The following ELOVL7 variants were observed in gnomAD, a reference collection of about 807,000 sequenced individuals.
The protein encoded by ELOVL7 is ELOVL fatty acid elongase 7, also known as very long chain fatty acid elongase 7.
In ELOVL7, 27 loss-of-function variants were observed where a neutral mutation model predicts 35.7. The observed-to-expected ratio is 0.76, with a 90% CI of 0.56 to 1.04. The LOEUF is 1.04. Among genes scored for constraint, ELOVL7 ranks in the 50% least tolerant of loss-of-function variants. ELOVL7 has a pLI of 0.00. For missense variants in ELOVL7, 327 were observed against 340.8 expected, an observed-to-expected ratio of 0.96 and a Z score of 0.32; for synonymous variants, 113 against 114.6, an observed-to-expected ratio of 0.99 and a Z score of 0.09.
chr5:60,832,397 G>A lies in ELOVL7; in HGVS notation c.-86+11763C>T, dbSNP rs551994687. Among the ~76,000 whole-genome samples, 7 of 151,218 alleles carry A rather than the reference G, an allele frequency of 4.6e-5. No homozygotes were observed. The South Asian group carries it at 6.3e-4, about 14-fold the overall frequency. On this transcript the variant is annotated intron_variant, in intron 1 of 8. Coordinates refer to ENST00000508821, the MANE Select transcript of ELOVL7 (RefSeq NM_024930.3). ...TTTTTTTTTTTTGAGACGGAGTCTCGCTCTGTTGCCCAGGCTGGAGTGCAG... is the reference window on the plus strand; with the variant it reads ...TTTTTTTTTTTTGAGACGGAGTCTCACTCTGTTGCCCAGGCTGGAGTGCAG...
At chr5:60,768,592 C>T in intron 4 of ELOVL7, 1 of 431,456 alleles carries the variant, frequency 2.3e-6, no homozygotes, top group South Asian at 1.7e-5. Flanking sequence ...CAAGAAAGAG[C>T]CTATTGTTGA....
At chr5:60,762,277 C>A (rs906483222) in intron 7 of ELOVL7, among the ~76,000 whole-genome samples, 47 of 85,636 alleles carry the variant, frequency 5.5e-4, no homozygotes, top group African/African-American at 1.9e-3. Context: ...CCACCCTGGA[C>A]AACAAGAGTG....
At chr5:60,798,552 A>T (rs2112276147) in intron 2 of ELOVL7, among the ~76,000 whole-genome samples, 1 of 152,302 alleles carries the variant, frequency 6.6e-6, no homozygotes, top group Middle Eastern at 3.4e-3. Context: ...TAAAGCTGTA[A>T]AAAAAATTAT....
intron 3 of ELOVL7, chr5:60,784,123 T>C (rs927901743): frequency 6.6e-7 from 1 of 1,515,280 alleles, no homozygotes; most frequent in Non-Finnish European, 8.9e-7. Context: ...TTCCATCAGC[T>C]GCTTCTAAGA....
chr5:60,757,854 G>C (rs369814332), intron 7 of ELOVL7, among the ~76,000 whole-genome samples: 1 of 152,014 alleles, frequency 6.6e-6, no homozygotes, highest in Non-Finnish European at 1.5e-5. Context: ...GTAAATTAGC[G>C]TATCTTTATT....
intron 3 of ELOVL7, among the ~76,000 whole-genome samples, chr5:60,786,993 T>G (rs1743640053): frequency 6.6e-6 from 1 of 152,072 alleles, no homozygotes; most frequent in Non-Finnish European, 1.5e-5. Context: ...TAACTGTAAT[T>G]TCCCTCAGGA....
intron 7 of ELOVL7, 140 bp downstream of exon 7, chr5:60,764,087 A>C: frequency 1.5e-6 from 1 of 667,516 alleles, no homozygotes; most frequent in Non-Finnish European, 2.7e-6. Flanking sequence ...TTTTCAAGTA[A>C]TAATTAATGA....
At chr5:60,757,485 T>G (rs1741613240) in intron 8 of ELOVL7, 24 bp downstream of exon 8, 1 of 1,610,772 alleles carries the variant, frequency 6.2e-7, no homozygotes, top group Non-Finnish European at 8.5e-7. Flanking sequence ...TCATATATGG[T>G]TTTAAAGACA....
intron 1 of ELOVL7, among the ~76,000 whole-genome samples, chr5:60,831,594 A>T (rs1276439701): frequency 6.6e-6 from 1 of 152,206 alleles, no homozygotes; most frequent in Non-Finnish European, 1.5e-5. Flanking sequence ...CAAAGAGTTT[A>T]CCTTCATTAA....
chr5:60,764,997 C>T (rs928723648), intron 6 of ELOVL7, among the ~76,000 whole-genome samples: 1 of 151,888 alleles, frequency 6.6e-6, no homozygotes, highest in African/African-American at 2.4e-5. Flanking sequence ...AAAAAATATT[C>T]CAAAGTGAAA....
chr5:60,799,254 T>A lies in ELOVL7; in HGVS notation c.-85-24A>T, dbSNP rs1300352759. On this transcript the variant is annotated intron_variant, in intron 1 of 8. Transcript: ENST00000508821. ...GCCTATAATAGAAAAGAAAAAAAAC[T>A]TCAAATAAATAATTAACATTACACT... 7 of 150,956 alleles carry A rather than the reference T, an allele frequency of 4.6e-5. No homozygotes were observed. The East Asian group carries it at 1.4e-3, about 30-fold the overall frequency. 9.4% of individuals were successfully genotyped at this position (150,956 alleles called of 1,614,324 possible).
intron 7 of ELOVL7, among the ~76,000 whole-genome samples, chr5:60,762,232 G>A (rs1036062244): frequency 6.7e-6 from 1 of 149,092 alleles, no homozygotes; most frequent in African/African-American, 2.5e-5. Context: ...CTGGGAAGCG[G>A]AGGTTGCAGT....
At chr5:60,802,113 T>TAC (rs1744675125) in intron 1 of ELOVL7, among the ~76,000 whole-genome samples, 3 of 6,600 alleles carry the variant, frequency 4.5e-4, no homozygotes, top group African/African-American at 2.0e-3. Context: ...TATATATATA[T>TAC]ATATACACAC....
At chr5:60,761,491 T>C (rs1281146879) in intron 7 of ELOVL7, among the ~76,000 whole-genome samples, 1 of 152,164 alleles carries the variant, frequency 6.6e-6, no homozygotes, top group Non-Finnish European at 1.5e-5. Flanking sequence ...ACAGCTTTTG[T>C]TGCTGTGCTT....
intron 1 of ELOVL7, among the ~76,000 whole-genome samples, chr5:60,811,629 G>T (rs763610378): frequency 6.6e-6 from 1 of 152,150 alleles, no homozygotes; most frequent in Non-Finnish European, 1.5e-5. Flanking sequence ...TTGAGGGAGT[G>T]AGTTATTTAC....
At chr5:60,838,994 G>C (rs1489326947) in intron 1 of ELOVL7, among the ~76,000 whole-genome samples, 1 of 148,248 alleles carries the variant, frequency 6.7e-6, no homozygotes, top group Non-Finnish European at 1.5e-5. Context: ...TTGCACTCCA[G>C]CCCAGGCGAC....
At chr5:60,777,605 T>C (rs1023931560) in intron 3 of ELOVL7, among the ~76,000 whole-genome samples, 2 of 152,062 alleles carry the variant, frequency 1.3e-5, no homozygotes, top group East Asian at 1.9e-4. Flanking sequence ...AGATTGAGGG[T>C]TGCCATCACA....
At chr5:60,835,809 C>G (rs1039280013) in intron 1 of ELOVL7, among the ~76,000 whole-genome samples, 1 of 152,086 alleles carries the variant, frequency 6.6e-6, no homozygotes, top group East Asian at 1.9e-4. Flanking sequence ...TAACAATATT[C>G]TTTTTTTGCA....
intron 1 of ELOVL7, among the ~76,000 whole-genome samples, chr5:60,829,846 G>A (rs543449291): frequency 6.6e-6 from 1 of 152,332 alleles, no homozygotes; most frequent in East Asian, 1.9e-4. Flanking sequence ...AGGTTCATGA[G>A]TGGCTACTGA....
Sources: allele counts gnomAD v4.1 joint callset (sites outside exome capture counted in the v4.1 genomes callset), GRCh38; gene constraint gnomAD v4.1.1; transcripts MANE v1.5; gene names NCBI Gene and HGNC (gene_info 2026-07-23, HGNC 2026-07-21).